The following MAP4K2 variants were observed in gnomAD, a reference collection of about 807,000 sequenced individuals.
The protein encoded by MAP4K2 is B lymphocyte serine/threonine protein kinase.
A neutral mutation model predicts 125.3 loss-of-function variants in MAP4K2; 85 were observed. The observed-to-expected ratio is 0.68, with a 90% CI of 0.57 to 0.81. The LOEUF (loss-of-function observed/expected upper bound fraction) is 0.81. Ranked by LOEUF, MAP4K2 falls within the 40% of genes least tolerant of loss-of-function variation. The probability of loss-of-function intolerance (pLI) is 0.00; values close to 1 mark genes in which losing one functional copy is unlikely to be tolerated. For synonymous variants in MAP4K2, 479 were observed against 445.1 expected, an observed-to-expected ratio of 1.08 and a Z score of -0.96; for missense variants, 923 against 1,056.4, an observed-to-expected ratio of 0.87 and a Z score of 1.75.
chr11:64,800,466 C>G, intron 10 of MAP4K2, 74 bp from the exon 11 acceptor site: 4 of 1,520,814 alleles, frequency 2.6e-6, no homozygotes, highest in Non-Finnish European at 3.6e-6. Flanking sequence ...AGCTGCCCTA[C>G]CACCCCTCCA....
At chr11:64,789,676 C>G (rs1940357447) in intron 31 of MAP4K2, 52 bp from the exon 32 acceptor site, 8 of 1,613,422 alleles carry the variant, frequency 5.0e-6, no homozygotes, top group Non-Finnish European at 6.8e-6. Flanking sequence ...GTACATCAGC[C>G]CCTTCTCTGG....
In MAP4K2 at chr11:64,803,144, C is replaced by G; in HGVS notation, c.6G>C (p.Ala2=). The G allele has an allele frequency of 6.8e-7, 1 of 1,464,368 alleles. No homozygotes were observed. The allele number at this position is 1,464,368 out of a possible 1,614,324, so 90.7% of individuals were successfully genotyped here. A position where few individuals can be genotyped will look rare whatever the true frequency, so the allele number is the denominator to read the frequency against. Residue 2 remains alanine, a synonymous_variant, in exon 1 of 32, where the codon GCG becomes GCC. Coordinates refer to ENST00000294066, the MANE Select transcript of MAP4K2 (RefSeq NM_004579.5). M[A]LLRDVSLQDP... ...CCTGCAGCGACACATCCCGCAGCAG[C>G]GCCATGGCCCGGCGCCGGGCGGGCC...
intron 2 of MAP4K2, 44 bp downstream of exon 2, chr11:64,802,841 G>A (rs767812870): frequency 2.0e-5 from 31 of 1,575,844 alleles, no homozygotes; most frequent in Middle Eastern, 4.0e-4. Context: ...GCCCGCGGGC[G>A]CTCTGCCCTT....
intron 27 of MAP4K2, among the ~76,000 whole-genome samples, chr11:64,791,664 C>T (rs1320738921): frequency 1.3e-5 from 2 of 152,234 alleles, no homozygotes; most frequent in Non-Finnish European, 2.9e-5. Context: ...AGCCACTGTG[C>T]CCGGCCTGGC....
chr11:64,801,539 C>T (rs988561310), intron 7 of MAP4K2, 40 bp downstream of exon 7: 3 of 1,611,950 alleles, frequency 1.9e-6, no homozygotes, highest in Non-Finnish European at 2.5e-6. Flanking sequence ...GGGGAGGGTC[C>T]ACAGAGCCCT....
At position 64,800,945 on chromosome 11, in the gene MAP4K2, T is replaced by A; in HGVS notation, c.617A>T (p.Glu206Val). The A allele has an allele frequency of 6.2e-7, 1 of 1,613,990 alleles. No individual in the cohort carries two copies. The highest frequency in any genetic ancestry group is 8.5e-7 in the Non-Finnish European group (1 of 1,179,994). The change falls in exon 9 of 32, where the codon GAG becomes GTG. Residue 206 changes from glutamate (E) to valine (V), a missense_variant. Physicochemically the swap from Glu to Val is moderately radical, Grantham distance 121. Transcript: ENST00000294066. ...DVWALGITAI[E>V]LGELQPPLFH... ...CAGAGGGGGCTGCAGCTCGCCCAGC[T>A]CAATGGCAGTGATGCCCAGGGCCCA...
Position 64,802,116 on chromosome 11 carries a change from C to T in MAP4K2, c.316G>A (p.Gly106Arg). 1 of 1,612,970 alleles carries T rather than the reference C, an allele frequency of 6.2e-7. No homozygotes were observed. Among genetic ancestry groups the T allele is most frequent in the Non-Finnish European group, 8.5e-7 (1 of 1,179,902 alleles). Residue 106 changes from glycine to arginine, a missense_variant, in exon 5 of 32, where the codon GGG (glycine) becomes AGG (arginine). Around this residue, in one of 2 missense-constraint regions of MAP4K2, gnomAD observed 833 missense variants for 911.4 expected, o/e 0.91. Transcript: ENST00000294066. ...GSLQEIYHAT[G>R]PLEERQIAYV... ...GCAATCTGCCGCTCCTCCAGGGGCC[C>T]AGTGGCTGAAAGGAAAAGGGAGAGG...
chr11:64,785,037 T>TAAAA lies in MAP4K2; in HGVS notation c.*4496_*4499dup, dbSNP rs1310318994. 6.6e-6 allele frequency: 1 copy of TAAAA among 152,088 alleles called. No individual in the cohort carries two copies. The highest frequency in any genetic ancestry group is 1.5e-5 in the Non-Finnish European group (1 of 68,030). The allele number at this position is 152,088 out of a possible 1,614,324, so 9.4% of individuals were successfully genotyped here. On this transcript the variant is annotated 3_prime_UTR_variant, in exon 32 of 32. Transcript: ENST00000294066. ...CAAACAATGGAATACTACTTGGCAATAAAAAGGAATAAAATATTAATGCAT... is the reference window on the plus strand; with the variant it reads ...CAAACAATGGAATACTACTTGGCAATAAAAAAAAAGGAATAAAATATTAATGCAT...
At chr11:64,802,964 C>CGGGATGGGGGGCG in intron 1 of MAP4K2, 22 bp from the exon 2 acceptor site, 1 of 1,482,110 alleles carries the variant, frequency 6.7e-7, no homozygotes, top group Non-Finnish European at 9.2e-7. Context: ...GAGGGTGAAG[C>CGGGATGGGGGGCG]GGGATGGGGG....
intron 6 of MAP4K2, 43 bp from the exon 7 acceptor site, chr11:64,801,664 G>C (rs761412836): frequency 1.4e-5 from 22 of 1,613,866 alleles, no homozygotes; most frequent in Non-Finnish European, 1.9e-5. Context: ...GTGCCCCCGA[G>C]GGCCTCCTCC....
At chr11:64,793,267 C>T (rs1261702243) in intron 24 of MAP4K2, among the ~76,000 whole-genome samples, 1 of 151,980 alleles carries the variant, frequency 6.6e-6, no homozygotes, top group Non-Finnish European at 1.5e-5. Flanking sequence ...CATGGAGGGG[C>T]TGGGGAGGAT....
intron 29 of MAP4K2, 89 bp from the exon 30 acceptor site, chr11:64,790,048 CA>C: frequency 1.3e-6 from 2 of 1,553,342 alleles, no homozygotes; most frequent in Non-Finnish European, 1.8e-6. Flanking sequence ...CAGGGGTCCT[CA>C]CTGACCTCAG....
At chr11:64,800,038 C>T (rs1941065420) in intron 12 of MAP4K2, 71 bp downstream of exon 12, 3 of 1,292,258 alleles carry the variant, frequency 2.3e-6, no homozygotes, top group Admixed American at 4.0e-5. Context: ...AAAGGACCTC[C>T]ACCAACATCA....
At chr11:64,798,523 C>G (rs182448502) in intron 15 of MAP4K2, among the ~76,000 whole-genome samples, 16 of 152,108 alleles carry the variant, frequency 1.1e-4, no homozygotes, top group African/African-American at 3.9e-4. Flanking sequence ...TGGTTTCGAA[C>G]TCCTGACCTC....
chr11:64,802,321 G>C (rs1339772461), intron 4 of MAP4K2, 98 bp downstream of exon 4: 1 of 1,310,414 alleles, frequency 7.6e-7, no homozygotes, highest in African/African-American at 1.5e-5. Flanking sequence ...GGAGTGGAGA[G>C]GAGCCCAAGT....
chr11:64,802,036 G>A (rs1941216881), intron 5 of MAP4K2, 30 bp downstream of exon 5: 1 of 1,605,186 alleles, frequency 6.2e-7, no homozygotes, highest in Non-Finnish European at 8.5e-7. Flanking sequence ...CTGGAGACCA[G>A]AGGTGTGGGC....
Position 64,801,120 on chromosome 11 carries a change from G to A in MAP4K2, c.521C>T (p.Thr174Ile), listed in dbSNP as rs768966858. The A allele has an allele frequency of 2.5e-6, 4 of 1,613,594 alleles. No individual in the cohort carries two copies. The highest frequency in any genetic ancestry group is 2.5e-6 in the Non-Finnish European group (3 of 1,179,982). ...SVAKRRSFIG[T>I]PYWMAPEVAA... ...CCAGGCGCAGCCTCACCAGTAGGGA[G>A]TCCCAATGAAAGACCTCCTCTTGGC... The change falls in exon 8 of 32, where the codon ACT becomes ATT. Residue 174 changes from threonine to isoleucine, a missense_variant. Around this residue, in one of 2 missense-constraint regions of MAP4K2, gnomAD observed 833 missense variants for 911.4 expected, o/e 0.91. Coordinates refer to ENST00000294066, the MANE Select transcript of MAP4K2 (RefSeq NM_004579.5).
At chr11:64,799,503 T>C (rs780229436) in intron 13 of MAP4K2, 24 bp from the exon 14 acceptor site, 7 of 1,611,106 alleles carry the variant, frequency 4.3e-6, no homozygotes, top group African/African-American at 1.3e-5. Flanking sequence ...AGTACAAGAG[T>C]GAAGGAGCTG....
chr11:64,790,131 A>G, intron 29 of MAP4K2, 57 bp downstream of exon 29: 1 of 1,597,410 alleles, frequency 6.3e-7, no homozygotes, highest in East Asian at 2.2e-5. Flanking sequence ...CAGGCCCCTG[A>G]GCAACAACGT....
Sources: allele counts gnomAD v4.1 joint callset (sites outside exome capture counted in the v4.1 genomes callset), GRCh38; gene constraint gnomAD v4.1.1; regional missense constraint gnomAD v4.1.1; transcripts MANE v1.5; gene names NCBI Gene and HGNC (gene_info 2026-07-23, HGNC 2026-07-21).